The following IZUMO1R variants were observed in gnomAD, a reference collection of about 807,000 sequenced individuals.
IZUMO1R encodes the protein IZUMO1 receptor, JUNO.
IZUMO1R carries 24 observed loss-of-function variants against 22.1 expected under a neutral mutation model. That is an observed-to-expected ratio of 1.09 (90% confidence interval 0.79 to 1.53). IZUMO1R has a LOEUF of 1.53. Among genes scored for constraint, IZUMO1R ranks in the 40% most tolerant of loss-of-function variants. The pLI is 0.00. For missense variants in IZUMO1R, 308 were observed against 314.9 expected, an observed-to-expected ratio of 0.98 and a Z score of 0.17; for synonymous variants, 133 against 121.2, an observed-to-expected ratio of 1.10 and a Z score of -0.64.
chr11:94,306,379 G>A, intron 2 of IZUMO1R, 134 bp from the exon 3 acceptor site: 1 of 781,714 alleles, frequency 1.3e-6, no homozygotes, highest in Non-Finnish European at 2.2e-6. Context: ...CTTATGTAGG[G>A]GCTTACTAGC....
rs1944007489 is a variant in IZUMO1R, at chr11:94,305,622, T to C, written c.-6-9T>C. ...TTCCATCAAGTGTGCAGCATGGGTCTCTCTGTAGCAGGCCATGGCATGCTG... is the reference window on the plus strand; with the variant it reads ...TTCCATCAAGTGTGCAGCATGGGTCCCTCTGTAGCAGGCCATGGCATGCTG... On this transcript the variant is annotated splice_polypyrimidine_tract_variant and intron_variant, in intron 1 of 4. Coordinates refer to ENST00000687084, the MANE Select transcript of IZUMO1R (RefSeq NM_001199206.4). 7 of 1,612,020 alleles carry C rather than the reference T, an allele frequency of 4.3e-6. No homozygotes were observed. In the Admixed American group the frequency reaches 8.3e-5, roughly 19 times the overall value.
At chr11:94,305,401 C>A (rs1944004387) in intron 1 of IZUMO1R, among the ~76,000 whole-genome samples, 1 of 152,220 alleles carries the variant, frequency 6.6e-6, no homozygotes, top group African/African-American at 2.4e-5. Flanking sequence ...ATGCCCCTGG[C>A]TCTGCAGGGC....
At position 94,307,602 on chromosome 11, in the gene IZUMO1R, C is replaced by T. The variant is rs563779793; in HGVS notation, c.663C>T (p.Ala221=). Residue 221 remains alanine (A), a synonymous_variant, in exon 5 of 5, where the codon GCC becomes GCT. Transcript: ENST00000687084. ...CTGCTCAGGGCAACCCCAATGTGGC[C>T]GTGGCCCGCCTCTTCGCCAGCTCTG... ...FEPAQGNPNV[A]VARLFASSAP... is the part of the protein sequence containing the mutation. The T allele has an allele frequency of 8.8e-5, 142 of 1,613,840 alleles. No homozygotes were observed. The highest frequency in any genetic ancestry group is 1.1e-4 in the Non-Finnish European group (128 of 1,179,822).
At chr11:94,305,849 C>T (rs1944013320) in intron 2 of IZUMO1R, 75 bp downstream of exon 2, 17 of 1,511,066 alleles carry the variant, frequency 1.1e-5, no homozygotes, top group Admixed American at 7.8e-5. Context: ...GTCTCCGAAC[C>T]TCATCAACCC....
At position 94,307,788 on chromosome 11, in the gene IZUMO1R, G is replaced by A; in HGVS notation, c.*96G>A. The stretch of plus-strand genomic sequence containing the variant: ...TCCTTCCTCAGGCCCTCCCCTAAAA[G>A]CAGTGGCATGGGCTAGGGACTGCAG... On this transcript the variant is annotated 3_prime_UTR_variant, in exon 5 of 5. Transcript: ENST00000687084. 1.5e-6 allele frequency: 2 copies of A among 1,324,238 alleles called. No homozygotes were observed. The highest frequency in any genetic ancestry group is 1.5e-5 in the African/African-American group (1 of 66,512). 82.0% of individuals were successfully genotyped at this position (1,324,238 alleles called of 1,614,324 possible).
intron 3 of IZUMO1R, 47 bp downstream of exon 3, chr11:94,306,769 G>T: frequency 6.4e-7 from 1 of 1,569,598 alleles, no homozygotes; most frequent in South Asian, 1.1e-5. Flanking sequence ...TTAACAGCCA[G>T]AGCTTTCACC....
chr11:94,306,580 C>G lies in IZUMO1R; in HGVS notation c.206C>G (p.Ser69Cys). The change falls in exon 3 of 5, where the codon TCC (serine) becomes TGC (cysteine). Residue 69 changes from serine to cysteine, a missense_variant. Physicochemically the swap from Ser to Cys is moderately radical, Grantham distance 112. Transcript: ENST00000687084. ...TTSWEAHLDV[S>C]PLYNFSLFHC... Reference sequence around the variant, plus strand: ...AGCTGGGAAGCCCATCTGGATGTATCCCCACTCTACAACTTCAGCCTGTTT... The same window carrying G: ...AGCTGGGAAGCCCATCTGGATGTATGCCCACTCTACAACTTCAGCCTGTTT... The G allele has an allele frequency of 6.2e-7, 1 of 1,613,958 alleles. No homozygotes were observed.
At chr11:94,306,423 G>A (rs1303056247) in intron 2 of IZUMO1R, 90 bp from the exon 3 acceptor site, 1 of 1,261,108 alleles carries the variant, frequency 7.9e-7, no homozygotes, top group African/African-American at 1.5e-5. Flanking sequence ...CCTCCTAAGG[G>A]ACATTTTCAT....
Position 94,307,413 on chromosome 11 carries a change from A to T in IZUMO1R, c.485-11A>T. ...GTAGGAGGTAAGCTGTCCCTCCTCC[A>T]TCCCCTGCAGGGAAGAACCGCTGCC... On this transcript the variant is annotated splice_polypyrimidine_tract_variant and intron_variant, in intron 4 of 4. Transcript: ENST00000687084. 1 of 1,613,652 alleles carries T rather than the reference A, an allele frequency of 6.2e-7. No homozygotes were observed. Among genetic ancestry groups the T allele is most frequent in the Non-Finnish European group, 8.5e-7 (1 of 1,179,686 alleles).
Position 94,305,827 on chromosome 11 carries a change from A to G in IZUMO1R, c.138+53A>G, listed in dbSNP as rs558595050. The G allele has an allele frequency of 1.9e-5, 31 of 1,592,956 alleles. No homozygotes were observed. In the South Asian group the frequency reaches 3.2e-4, roughly 16 times the overall value. ...TGGGGAAGATCAGGGAAGGGACACA[A>G]ATGCCAAGATGGTCTCCGAACCTCA... On this transcript the variant is annotated intron_variant, in intron 2 of 4. Transcript: ENST00000687084.
Position 94,306,566 on chromosome 11 carries a change from C to T in IZUMO1R, c.192C>T (p.Ala64=). ...ACCTLTTSWE[A]HLDVSPLYNF... ...GCACCCTCACGACAAGCTGGGAAGC[C>T]CATCTGGATGTATCCCCACTCTACA... The change falls in exon 3 of 5, where the codon GCC becomes GCT. Residue 64 remains alanine, a synonymous_variant. Coordinates refer to ENST00000687084, the MANE Select transcript of IZUMO1R (RefSeq NM_001199206.4). 1 of 1,613,946 alleles carries T rather than the reference C, an allele frequency of 6.2e-7. No homozygotes were observed. The highest frequency in any genetic ancestry group is 8.5e-7 in the Non-Finnish European group (1 of 1,179,876).
chr11:94,305,593 T>A (rs760301475), intron 1 of IZUMO1R, 38 bp from the exon 2 acceptor site: 1 of 1,606,836 alleles, frequency 6.2e-7, no homozygotes, highest in South Asian at 1.1e-5. Flanking sequence ...GAGTGGGGTG[T>A]CATTTCCATC....
chr11:94,307,404 C>T lies in IZUMO1R; in HGVS notation c.485-20C>T, dbSNP rs753296289. ...AATGAGGGAGTAGGAGGTAAGCTGT[C>T]CCTCCTCCATCCCCTGCAGGGAAGA... is the stretch of plus-strand genomic sequence containing the variant. On this transcript the variant is annotated intron_variant, in intron 4 of 4. Coordinates refer to ENST00000687084, the MANE Select transcript of IZUMO1R (RefSeq NM_001199206.4). 1.9e-6 allele frequency: 3 copies of T among 1,613,268 alleles called. No individual in the cohort carries two copies. Among genetic ancestry groups the T allele is most frequent in the Non-Finnish European group, 1.7e-6 (2 of 1,179,460 alleles).
chr11:94,306,475 C>A, intron 2 of IZUMO1R, 38 bp from the exon 3 acceptor site: 3 of 1,595,986 alleles, frequency 1.9e-6, no homozygotes, highest in Non-Finnish European at 2.6e-6. Context: ...ATCCTTGCCC[C>A]TTTTGCCTGG....
At chr11:94,305,141 A>AC (rs1944001951) in intron 1 of IZUMO1R, among the ~76,000 whole-genome samples, 1 of 151,970 alleles carries the variant, frequency 6.6e-6, no homozygotes, top group Non-Finnish European at 1.5e-5. Context: ...CTCCTGCCAG[A>AC]CTTGGGGGAC....
In IZUMO1R at chr11:94,306,237, G is replaced by C. The variant is rs533734657; in HGVS notation, c.139-276G>C. On this transcript the variant is annotated intron_variant, in intron 2 of 4. Coordinates refer to ENST00000687084, the MANE Select transcript of IZUMO1R (RefSeq NM_001199206.4). The stretch of plus-strand genomic sequence containing the variant: ...TCTTCTACCTGCTTTGCCCTAAAAG[G>C]CTTCTGCTGCCTCTCAGGAGCTGAG... Among the ~76,000 whole-genome samples, 4 of 152,150 alleles carry C rather than the reference G, an allele frequency of 2.6e-5. No homozygotes were observed. In the East Asian group the frequency reaches 7.8e-4, roughly 30 times the overall value.
intron 2 of IZUMO1R, 88 bp from the exon 3 acceptor site, chr11:94,306,425 C>T (rs1401137223): frequency 3.9e-6 from 5 of 1,283,280 alleles, no homozygotes; most frequent in Non-Finnish European, 5.7e-6. Flanking sequence ...TCCTAAGGGA[C>T]ATTTTCATTT....
chr11:94,306,408 T>C, intron 2 of IZUMO1R, 105 bp from the exon 3 acceptor site: 1 of 1,064,840 alleles, frequency 9.4e-7, no homozygotes, highest in Non-Finnish European at 1.4e-6. Flanking sequence ...TCCCACTTGC[T>C]CAGGCCTCCT....
At position 94,307,953 on chromosome 11, in the gene IZUMO1R, G is replaced by C. The variant is rs1470903900; in HGVS notation, c.*261G>C. 6.6e-6 allele frequency among the ~76,000 whole-genome samples: 1 copy of C among 151,968 alleles called. No individual in the cohort carries two copies. The highest frequency in any genetic ancestry group is 6.5e-5 in the Admixed American group (1 of 15,278). On this transcript the variant is annotated 3_prime_UTR_variant, in exon 5 of 5. Transcript: ENST00000687084. Reference sequence around the variant, plus strand: ...CCACTGCTCTGCTCTATCTTAGCTGGCCTAGGAGGCAGCTGGGGGCTGGAA... The same window carrying C: ...CCACTGCTCTGCTCTATCTTAGCTGCCCTAGGAGGCAGCTGGGGGCTGGAA...
Sources: gnomAD v4.1 joint callset for allele counts (sites outside exome capture counted in the v4.1 genomes callset) on GRCh38, gnomAD v4.1.1 for gene constraint, MANE v1.5 for transcripts, NCBI Gene and HGNC (gene_info 2026-07-23, HGNC 2026-07-21) for gene names.